NUDC: variants seen among roughly 807,000 people sequenced by gnomAD.
NUDC encodes nuclear migration protein nudC.
A neutral mutation model predicts 45.0 loss-of-function variants in NUDC; 14 were observed. That is an observed-to-expected ratio of 0.31 (90% confidence interval 0.21 to 0.49). The LOEUF (loss-of-function observed/expected upper bound fraction) is 0.49, where lower values mean the gene tolerates loss of function less well. Among genes scored for constraint, NUDC ranks in the 20% least tolerant of loss-of-function variants. NUDC has a pLI of 0.99. For synonymous variants in NUDC, 153 were observed against 156.7 expected (o/e 0.98, Z 0.17); for missense variants, 323 against 426.2 (o/e 0.76, Z 2.13).
At chr1:26,922,016 C>T in intron 1 of NUDC, 87 bp downstream of exon 1, 1 of 1,370,764 alleles carries the variant, frequency 7.3e-7, no homozygotes, top group Non-Finnish European at 1.0e-6. Flanking sequence ...GAGACCCACC[C>T]CAGCGGCTCG....
chr1:26,922,406 C>T, intron 1 of NUDC: 1 of 198,882 alleles, frequency 5.0e-6, no homozygotes, highest in Non-Finnish European at 1.1e-5. Context: ...CACCTACCAA[C>T]TTGGAACCTT....
chr1:26,914,953 C>T (rs895662561), intron 3 of NUDC, among the ~76,000 whole-genome samples: 1 of 149,836 alleles, frequency 6.7e-6, no homozygotes, highest in East Asian at 1.9e-4. Flanking sequence ...GGCAACAGAG[C>T]AAGATCCTGT....
intron 6 of NUDC, chr1:26,945,113 C>T (rs565719350): frequency 3.3e-4 from 182 of 551,610 alleles, no homozygotes; most frequent in Middle Eastern, 4.9e-4. Flanking sequence ...AGACTCAGCC[C>T]GAGTGTCACT....
Position 26,942,983 on chromosome 1 carries a change from G to A in NUDC, c.659G>A (p.Gly220Glu), listed in dbSNP as rs1282176589. The A allele has an allele frequency of 1.9e-6, 3 of 1,614,008 alleles. No homozygotes were observed. The Admixed American group carries it at 5.0e-5, about 27-fold the overall frequency. The change falls in exon 6 of 9, where the codon GGG (glycine) becomes GAG (glutamate). Residue 220 changes from glycine (G) to glutamate (E), a missense_variant. Around this residue, in one of 3 missense-constraint regions of NUDC, gnomAD observed 245 missense variants for 278.8 expected, o/e 0.88. Transcript: ENST00000321265. ...GLKGQPAIID[G>E]ELYNEVKVEE... ...AAGGGGCAGCCAGCGATCATTGATG[G>A]GGAGCTCTACAATGAAGTGAAGGTG... is the stretch of plus-strand genomic sequence containing the variant.
chr1:26,917,333 G>A (rs916870110), upstream of NUDC, among the ~76,000 whole-genome samples: 9 of 141,860 alleles, frequency 6.3e-5, no homozygotes, highest in South Asian at 4.5e-4. Flanking sequence ...AGGCCGAGGC[G>A]GATGGATCAC....
upstream of NUDC, among the ~76,000 whole-genome samples, chr1:26,920,780 A>C (rs567489726): frequency 7.7e-4 from 116 of 151,284 alleles, no homozygotes; most frequent in East Asian, 4.3e-3. Flanking sequence ...AAAAAACAAA[A>C]AAAAAAAAAC....
chr1:26,936,134 A>T (rs1333470470), intron 2 of NUDC, among the ~76,000 whole-genome samples: 1 of 6,812 alleles, frequency 1.5e-4, no homozygotes, highest in African/African-American at 4.4e-4. Flanking sequence ...ACGCCCGGCT[A>T]ATATATATAT....
chr1:26,917,336 T>C (rs1265566042), upstream of NUDC, among the ~76,000 whole-genome samples: 1 of 146,302 alleles, frequency 6.8e-6, no homozygotes, highest in Non-Finnish European at 1.5e-5. Flanking sequence ...CCGAGGCGGA[T>C]GGATCACCTG....
upstream of NUDC, chr1:26,921,617 G>A: frequency 1.7e-6 from 1 of 586,034 alleles, no homozygotes; most frequent in East Asian, 2.9e-5. Flanking sequence ...TCCGAATGTC[G>A]ACCAATGGTC....
intron 2 of NUDC, among the ~76,000 whole-genome samples, chr1:26,908,240 A>G (rs1311183251): frequency 1.3e-5 from 2 of 151,992 alleles, no homozygotes; most frequent in East Asian, 3.9e-4. Context: ...TACATACGCC[A>G]TCTGAGCCTG....
intron 2 of NUDC, among the ~76,000 whole-genome samples, chr1:26,925,891 T>C (rs2082128061): frequency 6.6e-6 from 1 of 151,518 alleles, no homozygotes; most frequent in Non-Finnish European, 1.5e-5. Context: ...CTGGATAATA[T>C]TTGTATTTTT....
chr1:26,920,812 C>T (rs914832037), upstream of NUDC, among the ~76,000 whole-genome samples: 2 of 149,824 alleles, frequency 1.3e-5, no homozygotes, highest in Non-Finnish European at 3.0e-5. Context: ...GTGATGTGAG[C>T]CTGTAGTCCC....
chr1:26,943,504 C>T (rs548282203), intron 6 of NUDC, among the ~76,000 whole-genome samples: 5 of 152,240 alleles, frequency 3.3e-5, no homozygotes, highest in African/African-American at 1.2e-4. Flanking sequence ...AGGCTTGAGT[C>T]AGGAAAAGAG....
intron 2 of NUDC, among the ~76,000 whole-genome samples, chr1:26,930,616 G>A (rs546419240): frequency 2.1e-4 from 32 of 152,028 alleles, no homozygotes; most frequent in Middle Eastern, 3.4e-3. Context: ...AGACCAAGGT[G>A]GGAGGATCTC....
chr1:26,901,627 A>C (rs2081979496), intron 1 of NUDC, among the ~76,000 whole-genome samples: 1 of 150,712 alleles, frequency 6.6e-6, no homozygotes, highest in Non-Finnish European at 1.5e-5. Flanking sequence ...CTGGTCTCGA[A>C]CTCCTGACCT....
At chr1:26,926,532 G>A (rs760481074) in intron 2 of NUDC, among the ~76,000 whole-genome samples, 148 of 152,050 alleles carry the variant, frequency 9.7e-4, no homozygotes, top group Middle Eastern at 3.4e-3. Context: ...ACCTCATGCC[G>A]CAAACTTACA....
chr1:26,923,362 G>A (rs2082106360), intron 1 of NUDC, among the ~76,000 whole-genome samples: 1 of 152,192 alleles, frequency 6.6e-6, no homozygotes, highest in Admixed American at 6.6e-5. Flanking sequence ...ATGTCCATCT[G>A]ATACTCAAAC....
chr1:26,925,679 G>A (rs1169028266), intron 2 of NUDC, among the ~76,000 whole-genome samples: 1 of 149,654 alleles, frequency 6.7e-6, no homozygotes, highest in Non-Finnish European at 1.5e-5. Context: ...ATTCCTTAAA[G>A]TTGTAATTAT....
chr1:26,920,655 C>T (rs1270491883), upstream of NUDC, among the ~76,000 whole-genome samples: 1 of 151,834 alleles, frequency 6.6e-6, no homozygotes, highest in Non-Finnish European at 1.5e-5. Flanking sequence ...GGCATGGTGG[C>T]TCACACCTGT....
Sources: gnomAD v4.1 joint callset for allele counts (sites outside exome capture counted in the v4.1 genomes callset) on GRCh38, gnomAD v4.1.1 for gene constraint, gnomAD v4.1.1 regional missense constraint, MANE v1.5 for transcripts, NCBI Gene and HGNC (gene_info 2026-07-23, HGNC 2026-07-21) for gene names.